GRID2: variants seen among roughly 807,000 people sequenced by gnomAD.
GRID2 encodes glutamate ionotropic receptor delta type subunit 2.
In GRID2, 33 loss-of-function variants were observed where a neutral mutation model predicts 114.8. The observed-to-expected ratio is 0.29, with a 90% confidence interval of 0.22 to 0.38. The LOEUF (loss-of-function observed/expected upper bound fraction) is 0.38. Ranked by LOEUF, GRID2 falls within the 10% of genes least tolerant of loss-of-function variation. The probability of loss-of-function intolerance (pLI) is 1.00; values close to 1 mark genes in which losing one functional copy is unlikely to be tolerated. For synonymous variants in GRID2, 505 were observed against 449.9 expected (o/e 1.12, Z -1.55); for missense variants, 1,184 against 1,257.7 (o/e 0.94, Z 0.89).
At chr4:92,504,061 C>A (rs1723828544) in intron 1 of GRID2, among the ~76,000 whole-genome samples, 1 of 152,042 alleles carries the variant, frequency 6.6e-6, no homozygotes, top group South Asian at 2.1e-4. Context: ...CTACGTAAAG[C>A]AGACCATAAT....
intron 1 of GRID2, among the ~76,000 whole-genome samples, chr4:92,342,434 A>T (rs1038298626): frequency 6.6e-6 from 1 of 152,046 alleles, no homozygotes; most frequent in African/African-American, 2.4e-5. Flanking sequence ...AGGAAAGGAG[A>T]CTTGAGCCTG....
intron 2 of GRID2, among the ~76,000 whole-genome samples, chr4:93,078,341 G>A (rs1027584495): frequency 1.3e-5 from 2 of 151,964 alleles, no homozygotes; most frequent in African/African-American, 2.4e-5. Flanking sequence ...ATAGAATAAC[G>A]TTCTCTTTTG....
intron 1 of GRID2, among the ~76,000 whole-genome samples, chr4:92,493,198 A>C (rs1723234980): frequency 6.6e-6 from 1 of 152,128 alleles, no homozygotes; most frequent in Non-Finnish European, 1.5e-5. Context: ...TTCGCTAAGA[A>C]AAAAGTGGTT....
chr4:93,017,227 G>T (rs1722835911), intron 2 of GRID2, among the ~76,000 whole-genome samples: 1 of 152,104 alleles, frequency 6.6e-6, no homozygotes, highest in South Asian at 2.1e-4. Context: ...TAGCAATTTT[G>T]CTCATGGACA....
intron 1 of GRID2, among the ~76,000 whole-genome samples, chr4:92,509,308 T>C (rs887791858): frequency 1.3e-5 from 2 of 151,980 alleles, no homozygotes; most frequent in African/African-American, 4.8e-5. Context: ...CTTATTCTTC[T>C]TTGTATCTTT....
chr4:92,346,067 A>G (rs1369182016), intron 1 of GRID2, among the ~76,000 whole-genome samples: 1 of 152,212 alleles, frequency 6.6e-6, no homozygotes, highest in Non-Finnish European at 1.5e-5. Context: ...ACTGATTGGG[A>G]AACTACTTAC....
intron 1 of GRID2, among the ~76,000 whole-genome samples, chr4:92,355,123 G>T (rs1728255648): frequency 6.6e-6 from 1 of 151,780 alleles, no homozygotes; most frequent in African/African-American, 2.4e-5. Context: ...TTTTTGAAAT[G>T]TATTTGTTTT....
chr4:92,781,253 CA>C (rs1472192635), intron 2 of GRID2, among the ~76,000 whole-genome samples: 2 of 151,718 alleles, frequency 1.3e-5, no homozygotes, highest in African/African-American at 2.4e-5. Flanking sequence ...CTCAAAAAAA[CA>C]AAAACAAAAA....
At chr4:93,058,096 T>C (rs1727432277) in intron 2 of GRID2, among the ~76,000 whole-genome samples, 2 of 152,046 alleles carry the variant, frequency 1.3e-5, no homozygotes, top group South Asian at 2.1e-4. Context: ...ATCTTGTGCA[T>C]TGAATTGCCA....
intron 13 of GRID2, among the ~76,000 whole-genome samples, chr4:93,576,587 T>C (rs1237874964): frequency 6.6e-6 from 1 of 152,240 alleles, no homozygotes; most frequent in Non-Finnish European, 1.5e-5. Context: ...TAGAAGCTAT[T>C]AAATTATCTA....
At chr4:93,114,730 G>C (rs1249886504) in intron 4 of GRID2, among the ~76,000 whole-genome samples, 2 of 152,092 alleles carry the variant, frequency 1.3e-5, no homozygotes, top group African/African-American at 4.8e-5. Flanking sequence ...TAGGGAATAG[G>C]CTGACCCTAT....
intron 1 of GRID2, among the ~76,000 whole-genome samples, chr4:92,329,808 G>A (rs1050542890): frequency 3.9e-5 from 6 of 151,934 alleles, no homozygotes; most frequent in African/African-American, 1.2e-4. Flanking sequence ...GGTAGAGAGT[G>A]ATAGAGGATA....
chr4:92,836,107 C>T (rs1742438310), intron 2 of GRID2, among the ~76,000 whole-genome samples: 1 of 152,072 alleles, frequency 6.6e-6, no homozygotes, highest in Non-Finnish European at 1.5e-5. Flanking sequence ...AGAGCTACTG[C>T]CATTTATTTT....
At chr4:93,493,586 T>G (rs765149841) in intron 12 of GRID2, among the ~76,000 whole-genome samples, 6 of 151,616 alleles carry the variant, frequency 4.0e-5, no homozygotes, top group Non-Finnish European at 5.9e-5. Flanking sequence ...AGAATTTGTT[T>G]GCTTGATATG....
chr4:92,812,521 A>G (rs994777019), intron 2 of GRID2, among the ~76,000 whole-genome samples: 1 of 152,120 alleles, frequency 6.6e-6, no homozygotes. Context: ...GTATATTTTC[A>G]TTACACTATT....
At chr4:92,517,038 T>C (rs1724534205) in intron 1 of GRID2, among the ~76,000 whole-genome samples, 1 of 151,910 alleles carries the variant, frequency 6.6e-6, no homozygotes, top group African/African-American at 2.4e-5. Context: ...ATATCTGGGA[T>C]AGTTACATAT....
intron 8 of GRID2, among the ~76,000 whole-genome samples, chr4:93,249,193 G>T (rs1392118267): frequency 1.3e-5 from 2 of 152,030 alleles, no homozygotes. Context: ...GTTGTGTGGT[G>T]CTATTTCTGA....
rs532898867 is a variant in GRID2, at chr4:93,314,177, T to C, written c.1245+75687T>C. Among the ~76,000 whole-genome samples, 209 of 151,494 alleles carry C rather than the reference T, an allele frequency of 1.4e-3. 1 individual carries two copies. The highest frequency in any genetic ancestry group is 2.6e-3 in the Non-Finnish European group (175 of 67,814). On this transcript the variant is annotated intron_variant, in intron 8 of 15. Transcript: ENST00000282020. ...AAAATTAGCCAGGCATGATGGCATG[T>C]GCCTGTAGTCCCAGCTACTCAGGAG...
chr4:93,502,203 A>G (rs1306775224), intron 12 of GRID2, among the ~76,000 whole-genome samples: 1 of 152,118 alleles, frequency 6.6e-6, no homozygotes, highest in Non-Finnish European at 1.5e-5. Flanking sequence ...ACTTAGGTTC[A>G]AGTCTCTTTT....
Sources: gnomAD v4.1 joint callset for allele counts (sites outside exome capture counted in the v4.1 genomes callset) on GRCh38, gnomAD v4.1.1 for gene constraint, MANE v1.5 for transcripts, NCBI Gene and HGNC (gene_info 2026-07-23, HGNC 2026-07-21) for gene names.